PSIP1: variants seen among roughly 807,000 people sequenced by gnomAD.
PSIP1 encodes PC4 and SRSF1 interacting protein 1, also known as PC4 and SFRS1-interacting protein.
In PSIP1, 19 loss-of-function variants were observed where a neutral mutation model predicts 74.7. The ratio of observed to expected loss-of-function variants is 0.25; its 90% CI spans 0.18 to 0.37. The LOEUF (loss-of-function observed/expected upper bound fraction) is 0.37. Among genes scored for constraint, PSIP1 ranks in the 10% least tolerant of loss-of-function variants. PSIP1 has a pLI of 1.00. For synonymous variants in PSIP1, 222 were observed against 195.3 expected (o/e 1.14, Z -1.14); for missense variants, 601 against 614.3 (o/e 0.98, Z 0.23).
At chr9:15,498,472 T>G (rs761315574) in intron 3 of PSIP1, among the ~76,000 whole-genome samples, 2 of 151,452 alleles carry the variant, frequency 1.3e-5, no homozygotes, top group Admixed American at 1.3e-4. Context: ...ACTGATGAAC[T>G]CTTAATGAGA....
At chr9:15,487,606 A>G (rs1036416438) in intron 4 of PSIP1, among the ~76,000 whole-genome samples, 7 of 152,208 alleles carry the variant, frequency 4.6e-5, no homozygotes, top group African/African-American at 1.7e-4. Context: ...TGTCTCCAAA[A>G]AAACAACAAC....
At chr9:15,507,521 G>A (rs569322029) in intron 2 of PSIP1, among the ~76,000 whole-genome samples, 1 of 152,144 alleles carries the variant, frequency 6.6e-6, no homozygotes, top group East Asian at 1.9e-4. Context: ...GGTGTCAGGT[G>A]CCTGTAATCT....
chr9:15,498,427 C>G (rs1436427391), intron 3 of PSIP1, among the ~76,000 whole-genome samples: 1 of 149,886 alleles, frequency 6.7e-6, no homozygotes, highest in Non-Finnish European at 1.5e-5. Context: ...AAACACAAAA[C>G]AAAACAAAAA....
chr9:15,486,957 T>C (rs771323291), intron 4 of PSIP1, 26 bp from the exon 5 acceptor site: 1 of 1,468,228 alleles, frequency 6.8e-7, no homozygotes, highest in Non-Finnish European at 9.4e-7. Flanking sequence ...TCTATTAATT[T>C]CAAAAAATAA....
chr9:15,473,975 T>C lies in PSIP1; in HGVS notation c.858+34A>G, dbSNP rs749247818. ...AAAAAATATATATATAAACTAAGAA[T>C]AGAACAGCCATTTTATATATGTAAA... On this transcript the variant is annotated intron_variant, in intron 9 of 15. Coordinates refer to ENST00000380733, the MANE Select transcript of PSIP1 (RefSeq NM_033222.5). The C allele has an allele frequency of 3.5e-6, 5 of 1,434,382 alleles. No homozygotes were observed. In the East Asian group the frequency reaches 1.2e-4, roughly 34 times the overall value. The allele number at this position is 1,434,382 out of a possible 1,614,324, so 88.9% of individuals were successfully genotyped here.
chr9:15,472,261 T>C (rs906542954), intron 10 of PSIP1: 15 of 998,120 alleles, frequency 1.5e-5, no homozygotes, highest in Admixed American at 6.0e-5. Context: ...GTGTGATGAA[T>C]AAGGGCATTT....
At chr9:15,469,110 C>T (rs757447897) in intron 12 of PSIP1, 52 bp from the exon 13 acceptor site, 1 of 1,518,844 alleles carries the variant, frequency 6.6e-7, no homozygotes, top group Admixed American at 1.9e-5. Context: ...AACACTTAAA[C>T]AATCTGTTTC....
chr9:15,468,379 T>C (rs749777776), intron 14 of PSIP1: 5 of 700,334 alleles, frequency 7.1e-6, no homozygotes, highest in Non-Finnish European at 1.1e-5. Flanking sequence ...AAAAATTGTT[T>C]ATCCAGAGTC....
At chr9:15,471,295 T>C in intron 10 of PSIP1, 8 of 1,573,638 alleles carry the variant, frequency 5.1e-6, no homozygotes, top group Non-Finnish European at 7.0e-6. Flanking sequence ...GCATCTGAAA[T>C]GCTTTACAGA....
intron 3 of PSIP1, among the ~76,000 whole-genome samples, chr9:15,500,953 A>T (rs941677336): frequency 2.0e-5 from 3 of 152,228 alleles, no homozygotes; most frequent in African/African-American, 7.2e-5. Flanking sequence ...GTAAATCCCC[A>T]CAACTCTTGT....
chr9:15,474,595 T>G (rs1039705422), intron 8 of PSIP1, among the ~76,000 whole-genome samples: 3 of 152,182 alleles, frequency 2.0e-5, no homozygotes, highest in African/African-American at 4.8e-5. Flanking sequence ...CTTAAGCATA[T>G]GATAAATATA....
intron 3 of PSIP1, among the ~76,000 whole-genome samples, chr9:15,494,830 A>T (rs2037002247): frequency 6.6e-6 from 1 of 152,152 alleles, no homozygotes; most frequent in Non-Finnish European, 1.5e-5. Flanking sequence ...ATTCCTGTCC[A>T]TAATCTCAAA....
chr9:15,474,360 T>C, intron 8 of PSIP1, 123 bp from the exon 9 acceptor site: 1 of 761,280 alleles, frequency 1.3e-6, no homozygotes, highest in South Asian at 2.5e-5. Flanking sequence ...GTGTCTTCAC[T>C]ATCCAATCAT....
intron 3 of PSIP1, among the ~76,000 whole-genome samples, chr9:15,497,594 G>A (rs1018516719): frequency 2.0e-5 from 3 of 151,834 alleles, no homozygotes; most frequent in Non-Finnish European, 4.4e-5. Flanking sequence ...CAAAGTGCTG[G>A]GATTACAGGC....
Position 15,469,000 on chromosome 9 carries a change from T to C in PSIP1, c.1163A>G (p.Gln388Arg). The change falls in exon 13 of 16, where the codon CAA (glutamine) becomes CGA (arginine). Residue 388 changes from glutamine (Q) to arginine (R), a missense_variant. Physicochemically the swap from Gln to Arg is conservative, Grantham distance 43. Transcript: ENST00000380733. ...DELASLQVTM[Q>R]QAQKHTEMIT... ...CATCTCTGTGTGTTTCTGAGCTTGT[T>C]GCATTGTGACCTGAAGTGAAGCAAG... 1 of 1,614,040 alleles carries C rather than the reference T, an allele frequency of 6.2e-7. No homozygotes were observed. Among genetic ancestry groups the C allele is most frequent in the Non-Finnish European group, 8.5e-7 (1 of 1,179,972 alleles).
chr9:15,467,789 T>TCA (rs1297736851), intron 14 of PSIP1, among the ~76,000 whole-genome samples: 1 of 152,212 alleles, frequency 6.6e-6, no homozygotes, highest in Non-Finnish European at 1.5e-5. Flanking sequence ...AAGCTAAGGT[T>TCA]CAGTGCCTTA....
intron 3 of PSIP1, among the ~76,000 whole-genome samples, chr9:15,496,190 T>C (rs114296199): frequency 0.011 from 1,649 of 152,336 alleles, 28 homozygotes; most frequent in African/African-American, 0.037. Flanking sequence ...TTTATACAAT[T>C]AGTTAATATG....
chr9:15,478,130 A>T (rs1006163026), intron 8 of PSIP1, among the ~76,000 whole-genome samples: 11 of 148,190 alleles, frequency 7.4e-5, no homozygotes, highest in African/African-American at 2.7e-4. Context: ...CCATCTTTAA[A>T]AAAAAAAAAA....
rs113915116 is a variant in PSIP1 at position 15,482,776 on chromosome 9, C to T, written c.457-3089G>A. Among the ~76,000 whole-genome samples, 94 of 152,282 alleles carry T rather than the reference C, an allele frequency of 6.2e-4. 2 individuals are homozygous for T. Among genetic ancestry groups the T allele is most frequent in the African/African-American group, 2.0e-3 (85 of 41,554 alleles). ...ATCCCTATTATGTTGCCACATTCTC[C>T]TTGCCTTCAAAGATTTAAAAAGCAC... is the stretch of plus-strand genomic sequence containing the variant. On this transcript the variant is annotated intron_variant, in intron 6 of 15. Coordinates refer to ENST00000380733, the MANE Select transcript of PSIP1 (RefSeq NM_033222.5).
Sources: allele counts gnomAD v4.1 joint callset (sites outside exome capture counted in the v4.1 genomes callset), GRCh38; gene constraint gnomAD v4.1.1; transcripts MANE v1.5; gene names NCBI Gene and HGNC (gene_info 2026-07-23, HGNC 2026-07-21).